Variants in PDE4B observed in about 807,000 individuals in gnomAD.
The protein encoded by PDE4B is phosphodiesterase 4B.
In PDE4B, 20 loss-of-function variants were observed where a neutral mutation model predicts 82.2. The observed-to-expected ratio is 0.24, with a 90% confidence interval of 0.17 to 0.35. The LOEUF (loss-of-function observed/expected upper bound fraction) is 0.35, where lower values mean the gene tolerates loss of function less well. Among genes scored for constraint, PDE4B ranks in the 10% least tolerant of loss-of-function variants. The pLI is 1.00. For missense variants in PDE4B, 655 were observed against 907.2 expected, an observed-to-expected ratio of 0.72 and a Z score of 3.57; for synonymous variants, 320 against 318.9, an observed-to-expected ratio of 1.00 and a Z score of -0.04.
intron 1 of PDE4B, among the ~76,000 whole-genome samples, chr1:65,816,190 AGTGT>A (rs139330007): frequency 1.1e-4 from 15 of 132,884 alleles, no homozygotes; most frequent in East Asian, 4.2e-4. Context: ...TTATTAATGC[AGTGT>A]GTGTGTGTGT....
At chr1:65,952,835 T>C (rs1172031737) in intron 3 of PDE4B, among the ~76,000 whole-genome samples, 2 of 152,136 alleles carry the variant, frequency 1.3e-5, no homozygotes, top group Non-Finnish European at 2.9e-5. Flanking sequence ...TTTAAGACTA[T>C]GGTGGAAATT....
intron 7 of PDE4B, among the ~76,000 whole-genome samples, chr1:66,315,442 AT>A (rs913534284): frequency 2.6e-5 from 4 of 151,780 alleles, no homozygotes; most frequent in Non-Finnish European, 5.9e-5. Flanking sequence ...TTTATTTTTT[AT>A]TTTTTGGAGG....
chr1:66,205,085 C>G (rs17128509), intron 3 of PDE4B, among the ~76,000 whole-genome samples: 28,978 of 152,178 alleles, frequency 0.19, 2,901 homozygotes, highest in African/African-American at 0.2. Context: ...GAATTTATGG[C>G]TCATCTATGC....
At chr1:66,047,275 A>G (rs1324199086) in intron 3 of PDE4B, among the ~76,000 whole-genome samples, 1 of 151,850 alleles carries the variant, frequency 6.6e-6, no homozygotes, top group Non-Finnish European at 1.5e-5. Flanking sequence ...TATTTGCCTC[A>G]GTTTCTTCAT....
chr1:65,952,297 C>A (rs1011544282), intron 3 of PDE4B, among the ~76,000 whole-genome samples: 1 of 152,072 alleles, frequency 6.6e-6, no homozygotes. Flanking sequence ...CAAATTAACC[C>A]TTAATTGTTG....
At chr1:66,066,163 C>A (rs1420227327) in intron 3 of PDE4B, among the ~76,000 whole-genome samples, 1 of 151,422 alleles carries the variant, frequency 6.6e-6, no homozygotes, top group Non-Finnish European at 1.5e-5. Context: ...ATCATTTGAT[C>A]TTTCAGTATT....
At position 65,954,083 on chromosome 1, in the gene PDE4B, T is replaced by C. The variant is rs570146121; in HGVS notation, c.281+35248T>C. Among the ~76,000 whole-genome samples the C allele has an allele frequency of 2.0e-5, 3 of 151,988 alleles. No individual in the cohort carries two copies. In the East Asian group the frequency reaches 5.8e-4, roughly 30 times the overall value. On this transcript the variant is annotated intron_variant, in intron 3 of 16. Transcript: ENST00000341517. Reference sequence around the variant, plus strand: ...AGCTTATTTTTGTATTTTTAGTAGATACGGGGTTTCATCATGTTGGCCAGG... The same window carrying C: ...AGCTTATTTTTGTATTTTTAGTAGACACGGGGTTTCATCATGTTGGCCAGG...
intron 3 of PDE4B, among the ~76,000 whole-genome samples, chr1:66,158,886 A>G (rs1205693569): frequency 1.3e-5 from 2 of 152,214 alleles, no homozygotes; most frequent in Non-Finnish European, 2.9e-5. Flanking sequence ...GGAATCTAAA[A>G]AAGATGATCT....
intron 3 of PDE4B, among the ~76,000 whole-genome samples, chr1:66,061,872 A>G (rs1655599962): frequency 6.6e-6 from 1 of 152,192 alleles, no homozygotes; most frequent in Non-Finnish European, 1.5e-5. Flanking sequence ...ATGTATACCT[A>G]TGTAACAAAC....
chr1:65,992,930 G>T (rs1438930060), intron 3 of PDE4B: 1 of 1,613,542 alleles, frequency 6.2e-7, no homozygotes, highest in Non-Finnish European at 8.5e-7. Context: ...ATTCTTCAAA[G>T]GAACTTACTG....
At chr1:66,289,760 A>G (rs187753108) in intron 7 of PDE4B, among the ~76,000 whole-genome samples, 3 of 152,154 alleles carry the variant, frequency 2.0e-5, no homozygotes, top group Admixed American at 2.0e-4. Context: ...TGTGTAATAA[A>G]TTGGATTGGA....
chr1:66,146,142 T>A (rs988684707), intron 3 of PDE4B, among the ~76,000 whole-genome samples: 5 of 151,180 alleles, frequency 3.3e-5, no homozygotes, highest in Non-Finnish European at 7.4e-5. Context: ...CCTGAACAAG[T>A]TTAGGAGAAG....
chr1:66,334,779 C>T (rs2101925459), intron 8 of PDE4B, among the ~76,000 whole-genome samples: 1 of 152,336 alleles, frequency 6.6e-6, no homozygotes, highest in Admixed American at 6.5e-5. Flanking sequence ...TCAGGTTAAG[C>T]TTGAGCATAA....
chr1:66,077,269 T>C (rs1276186649), intron 3 of PDE4B, among the ~76,000 whole-genome samples: 1 of 152,172 alleles, frequency 6.6e-6, no homozygotes, highest in African/African-American at 2.4e-5. Context: ...ACTCAGATGA[T>C]TACAATACAA....
At chr1:65,812,485 A>G (rs962726125) in intron 1 of PDE4B, among the ~76,000 whole-genome samples, 4 of 152,202 alleles carry the variant, frequency 2.6e-5, no homozygotes, top group Admixed American at 2.6e-4. Context: ...GGCCATAATC[A>G]TGTAGGTTTT....
At chr1:66,061,691 G>A (rs1025942274) in intron 3 of PDE4B, among the ~76,000 whole-genome samples, 12 of 152,028 alleles carry the variant, frequency 7.9e-5, no homozygotes, top group Non-Finnish European at 1.5e-5. Context: ...TTAGCAAAAG[G>A]GAGAGATTTT....
intron 3 of PDE4B, among the ~76,000 whole-genome samples, chr1:66,195,706 G>C (rs1264291796): frequency 1.3e-5 from 2 of 152,002 alleles, no homozygotes; most frequent in South Asian, 2.1e-4. Flanking sequence ...GGCACTGTTG[G>C]GTTCTTGGTA....
rs546429707 is a variant in PDE4B at position 65,834,711 on chromosome 1, A to G, written c.-71+41463A>G. Among the ~76,000 whole-genome samples, 3 of 152,318 alleles carry G rather than the reference A, an allele frequency of 2.0e-5. No individual in the cohort carries two copies. In the South Asian group the frequency reaches 6.2e-4, roughly 32 times the overall value. On this transcript the variant is annotated intron_variant, in intron 1 of 16. Coordinates refer to ENST00000341517, the MANE Select transcript of PDE4B (RefSeq NM_002600.4). Reference sequence around the variant, plus strand: ...TATATATAGCCACGTCTTCATGTCTAAATTGAGGCAGAATCCAGATGATAG... The same window carrying G: ...TATATATAGCCACGTCTTCATGTCTGAATTGAGGCAGAATCCAGATGATAG...
intron 8 of PDE4B, among the ~76,000 whole-genome samples, chr1:66,344,464 A>C (rs997791443): frequency 1.3e-5 from 2 of 152,236 alleles, no homozygotes; most frequent in Admixed American, 1.3e-4. Context: ...TTGTATTTAT[A>C]TTTTTTCTTT....
Sources: gnomAD v4.1 joint callset for allele counts (sites outside exome capture counted in the v4.1 genomes callset) on GRCh38, gnomAD v4.1.1 for gene constraint, MANE v1.5 for transcripts, NCBI Gene and HGNC (gene_info 2026-07-23, HGNC 2026-07-21) for gene names.